NSD1: variants seen among roughly 807,000 people sequenced by gnomAD.
NSD1 encodes nuclear receptor binding SET domain protein 1, also known as histone-lysine N-methyltransferase, H3 lysine-36 specific.
NSD1 carries 26 observed loss-of-function variants against 242.7 expected under a neutral mutation model. That is an observed-to-expected ratio of 0.11 (90% CI 0.08 to 0.15). The LOEUF (loss-of-function observed/expected upper bound fraction) is 0.15, where lower values mean the gene tolerates loss of function less well. NSD1 is among the 10% of genes least tolerant of loss of function. NSD1 has a pLI of 1.00. For missense variants in NSD1, 2,495 were observed against 3,272.8 expected (o/e 0.76, Z 5.80); for synonymous variants, 1,106 against 1,178.1 (o/e 0.94, Z 1.25).
intron 2 of NSD1, chr5:177,136,265 G>T (rs1440036433): frequency 4.6e-6 from 2 of 438,400 alleles, no homozygotes; most frequent in Non-Finnish European, 8.3e-6. Context: ...GTAGGCTAAT[G>T]CTTTTAAAGG....
chr5:177,169,898 G>T (rs1346173829), intron 2 of NSD1, among the ~76,000 whole-genome samples: 1 of 152,096 alleles, frequency 6.6e-6, no homozygotes, highest in Non-Finnish European at 1.5e-5. Flanking sequence ...TCATGAAAAG[G>T]TATTAGATTT....
At chr5:177,180,444 G>C (rs898543970) in intron 2 of NSD1, among the ~76,000 whole-genome samples, 10 of 151,716 alleles carry the variant, frequency 6.6e-5, no homozygotes, top group African/African-American at 2.4e-4. Flanking sequence ...TTGGTATCTC[G>C]AGGGTCTTGC....
rs547816595 is a variant in NSD1, at chr5:177,141,313, C to T, written c.927+5283C>T. Among the ~76,000 whole-genome samples the T allele has an allele frequency of 3.6e-3, 491 of 136,752 alleles. 3 individuals are homozygous for T. Among genetic ancestry groups the T allele is most frequent in the African/African-American group, 6.9e-3 (246 of 35,758 alleles). 89.7% of individuals were successfully genotyped at this position (136,752 alleles called of 152,430 possible). A position where few individuals can be genotyped will look rare whatever the true frequency, so the allele number is the denominator to read the frequency against. On this transcript the variant is annotated intron_variant, in intron 2 of 22. Coordinates refer to ENST00000439151, the MANE Select transcript of NSD1 (RefSeq NM_022455.5). ...GGGATTACAGGCGTGAGCCACCGCG[C>T]GCAGCCTTTTTTTTTTTTTTTTTTT...
intron 3 of NSD1, among the ~76,000 whole-genome samples, chr5:177,193,870 G>C (rs1761894785): frequency 6.6e-6 from 1 of 151,924 alleles, no homozygotes; most frequent in African/African-American, 2.4e-5. Context: ...TGCCTCCCGG[G>C]TTCAAGCAAT....
rs1180752881 is a variant in NSD1 at position 177,136,992 on chromosome 5, A to G, written c.927+962A>G. On this transcript the variant is annotated intron_variant, in intron 2 of 22. Transcript: ENST00000439151. ...TGAAGTGTGTATGTGTATGTGTGAT[A>G]TGTATATATTCCGTGTGTATAGAAA... The G allele has an allele frequency of 2.3e-5, 15 of 664,104 alleles. No individual in the cohort carries two copies. The East Asian group carries it at 3.5e-4, about 16-fold the overall frequency. 41.1% of individuals were successfully genotyped at this position (664,104 alleles called of 1,614,324 possible).
chr5:177,169,675 C>T (rs1759525367), intron 2 of NSD1: 1 of 152,190 alleles, frequency 6.6e-6, no homozygotes, highest in Non-Finnish European at 1.5e-5. Context: ...TGCTTTTTGT[C>T]TAGCATCATT....
chr5:177,251,375 T>G (rs983590213), intron 11 of NSD1, among the ~76,000 whole-genome samples: 13 of 152,146 alleles, frequency 8.5e-5, no homozygotes, highest in African/African-American at 2.9e-4. Flanking sequence ...GGGAGCTCTT[T>G]TGGAACTTTA....
At chr5:177,166,786 GC>G (rs1759243407) in intron 2 of NSD1, among the ~76,000 whole-genome samples, 2 of 142,970 alleles carry the variant, frequency 1.4e-5, no homozygotes, top group African/African-American at 5.3e-5. Context: ...TCGTTCTGTC[GC>G]CCAGGCTGTA....
intron 3 of NSD1, among the ~76,000 whole-genome samples, chr5:177,192,888 A>C (rs915766417): frequency 1.3e-5 from 2 of 152,280 alleles, no homozygotes; most frequent in African/African-American, 4.8e-5. Flanking sequence ...CCATTTTTCT[A>C]ATGTTTACAT....
intron 3 of NSD1, among the ~76,000 whole-genome samples, chr5:177,202,219 A>C (rs1310997154): frequency 2.0e-5 from 3 of 150,870 alleles, no homozygotes; most frequent in African/African-American, 7.3e-5. Flanking sequence ...CCTCCCACTT[A>C]TAATTGAGTG....
intron 2 of NSD1, among the ~76,000 whole-genome samples, chr5:177,142,540 G>A (rs1756913017): frequency 6.6e-6 from 1 of 152,202 alleles, no homozygotes; most frequent in Admixed American, 6.6e-5. Context: ...AATAGCATAT[G>A]CAAGTGGCCA....
chr5:177,208,008 C>G (rs1313709316), intron 4 of NSD1, among the ~76,000 whole-genome samples: 1 of 151,984 alleles, frequency 6.6e-6, no homozygotes, highest in Admixed American at 6.6e-5. Context: ...ATGTAATCCA[C>G]CTGCCTCAGC....
chr5:177,253,193 G>A (rs1023113619), intron 12 of NSD1, among the ~76,000 whole-genome samples: 5 of 152,116 alleles, frequency 3.3e-5, no homozygotes, highest in Non-Finnish European at 5.9e-5. Flanking sequence ...GTGGATAGCC[G>A]TATACATAAC....
At chr5:177,250,745 CCT>C (rs1562258595) in intron 11 of NSD1, among the ~76,000 whole-genome samples, 1 of 152,164 alleles carries the variant, frequency 6.6e-6, no homozygotes, top group Non-Finnish European at 1.5e-5. Context: ...TTCCAGGCTA[CCT>C]CTCTAACCTT....
intron 2 of NSD1, among the ~76,000 whole-genome samples, chr5:177,178,347 C>A (rs1055651884): frequency 3.9e-5 from 6 of 152,140 alleles, no homozygotes; most frequent in African/African-American, 1.4e-4. Flanking sequence ...CTGCCTCAGC[C>A]TCCTGAGTAG....
intron 7 of NSD1, 22 bp from the exon 8 acceptor site, chr5:177,239,734 T>C: frequency 7.2e-7 from 1 of 1,386,496 alleles, no homozygotes; most frequent in South Asian, 1.2e-5. Flanking sequence ...AATCATCTAA[T>C]GTAAAGATAC....
intron 12 of NSD1, 40 bp from the exon 13 acceptor site, chr5:177,256,911 T>A: frequency 6.5e-7 from 1 of 1,549,918 alleles, no homozygotes; most frequent in Non-Finnish European, 8.9e-7. Flanking sequence ...TTTGGTAGAT[T>A]CTTGAATTCT....
intron 18 of NSD1, 134 bp downstream of exon 18, chr5:177,280,968 A>G: frequency 9.9e-7 from 1 of 1,008,298 alleles, no homozygotes; most frequent in South Asian, 1.6e-5. Flanking sequence ...GTGTCTTGCC[A>G]TATCCTTCTA....
chr5:177,197,086 G>A (rs1762156557), intron 3 of NSD1, among the ~76,000 whole-genome samples: 1 of 152,042 alleles, frequency 6.6e-6, no homozygotes, highest in Admixed American at 6.6e-5. Context: ...GGCCAACATG[G>A]TGAAACCCTG....
Sources: gnomAD v4.1 joint callset for allele counts (sites outside exome capture counted in the v4.1 genomes callset) on GRCh38, gnomAD v4.1.1 for gene constraint, MANE v1.5 for transcripts, NCBI Gene and HGNC (gene_info 2026-07-23, HGNC 2026-07-21) for gene names.